The following BLZF1 variants were observed in gnomAD, a reference collection of about 807,000 sequenced individuals.
BLZF1 encodes golgin-45.
A neutral mutation model predicts 43.8 loss-of-function variants in BLZF1; 39 were observed. The ratio of observed to expected loss-of-function variants is 0.89; its 90% CI spans 0.69 to 1.16. The LOEUF (loss-of-function observed/expected upper bound fraction) is 1.16, where lower values mean the gene tolerates loss of function less well. Among genes scored for constraint, BLZF1 ranks in the 50% most tolerant of loss-of-function variants. The pLI is 0.00. For synonymous variants in BLZF1, 136 were observed against 159.4 expected, an observed-to-expected ratio of 0.85 and a Z score of 1.11; for missense variants, 449 against 469.8, an observed-to-expected ratio of 0.96 and a Z score of 0.41.
chr1:169,369,789 CAA>C (rs1654046273), intron 2 of BLZF1, among the ~76,000 whole-genome samples: 1 of 146,018 alleles, frequency 6.8e-6, no homozygotes, highest in Non-Finnish European at 1.5e-5. Flanking sequence ...AATGTTAATG[CAA>C]AGTTTTTAAC....
At chr1:169,369,372 C>T (rs1226756366) in intron 1 of BLZF1, 101 bp from the exon 2 acceptor site, 1 of 575,388 alleles carries the variant, frequency 1.7e-6, no homozygotes, top group Non-Finnish European at 3.0e-6. Context: ...TGCATGCGTA[C>T]TAAATACAGA....
At chr1:169,375,085 CAGA>C (rs1654255617) in intron 2 of BLZF1, among the ~76,000 whole-genome samples, 1 of 151,524 alleles carries the variant, frequency 6.6e-6, no homozygotes, top group Non-Finnish European at 1.5e-5. Flanking sequence ...AAAAATAACT[CAGA>C]AGTTAAGAAA....
chr1:169,370,623 C>G (rs1010332824), intron 2 of BLZF1, among the ~76,000 whole-genome samples: 3 of 152,216 alleles, frequency 2.0e-5, no homozygotes, highest in Non-Finnish European at 4.4e-5. Flanking sequence ...GGTCGGTAGG[C>G]AAATATGGCG....
Position 169,376,626 on chromosome 1 carries a change from G to A in BLZF1, c.115G>A (p.Val39Ile), listed in dbSNP as rs751479488. 3 of 1,613,084 alleles carry A rather than the reference G, an allele frequency of 1.9e-6. No homozygotes were observed. The highest frequency in any genetic ancestry group is 2.5e-6 in the Non-Finnish European group (3 of 1,179,520). ...PPKSVEVTSGVQSRKHHSLQS... is the reference protein window; with the variant it reads ...PPKSVEVTSGIQSRKHHSLQS... ...TAAATCTGTTGAAGTTACCTCCGGA[G>A]TCCAATCTAGAAAGCATCATAGTCT... Residue 39 changes from valine (V) to isoleucine (I), a missense_variant, in exon 3 of 7, where the codon GTC becomes ATC. Transcript: ENST00000367808.
At chr1:169,380,960 G>A (rs1181446708) in intron 5 of BLZF1, among the ~76,000 whole-genome samples, 1 of 152,004 alleles carries the variant, frequency 6.6e-6, no homozygotes, top group East Asian at 1.9e-4. Context: ...TCTTTTTGAA[G>A]ACTTCCTACA....
At chr1:169,388,838 T>G (rs577711270), downstream of BLZF1, among the ~76,000 whole-genome samples, 6 of 151,492 alleles carry the variant, frequency 4.0e-5, no homozygotes, top group South Asian at 1.3e-3. Context: ...TACAAAAAAT[T>G]GGCCTGGCGC....
In BLZF1 at chr1:169,395,240, A is replaced by G. The variant is rs773658760; in HGVS notation, c.*28-654A>G. 38 of 1,569,304 alleles carry G rather than the reference A, an allele frequency of 2.4e-5. No individual in the cohort carries two copies. In the South Asian group the frequency reaches 4.4e-4, roughly 18 times the overall value. ...ACAGGCATGATCAGATTTGGTGAGTATCAACCTGAATACACTCTTCATGCT... is the reference window on the plus strand; with the variant it reads ...ACAGGCATGATCAGATTTGGTGAGTGTCAACCTGAATACACTCTTCATGCT... On this transcript the variant is annotated intron_variant, in intron 7 of 7. Transcript: ENST00000329281.
At chr1:169,391,489 C>T (rs113309311), downstream of BLZF1, among the ~76,000 whole-genome samples, 1 of 152,292 alleles carries the variant, frequency 6.6e-6, no homozygotes, top group African/African-American at 2.4e-5. Context: ...CCAGACCAAA[C>T]TGAGGTTTGG....
chr1:169,394,365 C>T (rs894843507), intron 7 of BLZF1, among the ~76,000 whole-genome samples: 2 of 152,020 alleles, frequency 1.3e-5, no homozygotes, highest in African/African-American at 2.4e-5. Flanking sequence ...TACATATGTG[C>T]GTTAGTTACA....
At chr1:169,376,460 A>G (rs1654344598) in intron 2 of BLZF1, 80 bp from the exon 3 acceptor site, 1 of 1,194,366 alleles carries the variant, frequency 8.4e-7, no homozygotes, top group Admixed American at 3.1e-5. Context: ...GTAATTTTGA[A>G]TATAGGGTAT....
chr1:169,388,236 A>G lies in BLZF1; in HGVS notation c.*1054A>G, dbSNP rs1557851961. 6.6e-6 allele frequency: 1 copy of G among 151,994 alleles called. No homozygotes were observed. The highest frequency in any genetic ancestry group is 2.4e-5 in the African/African-American group (1 of 41,394). 9.4% of individuals were successfully genotyped at this position (151,994 alleles called of 1,614,324 possible). On this transcript the variant is annotated 3_prime_UTR_variant, in exon 7 of 7. Transcript: ENST00000367808. ...AATAATAATAATTTTAATGTCAATG[A>G]TTTTTTTTGTCTGACTCATCTGAGT...
chr1:169,385,681 A>ATT (rs1419644703), intron 6 of BLZF1, among the ~76,000 whole-genome samples: 1 of 152,234 alleles, frequency 6.6e-6, no homozygotes, highest in Admixed American at 6.5e-5. Context: ...TAAAAATAGA[A>ATT]GGATCTCAAA....
intron 4 of BLZF1, among the ~76,000 whole-genome samples, chr1:169,379,040 C>T (rs919093413): frequency 1.3e-5 from 2 of 151,924 alleles, no homozygotes; most frequent in Non-Finnish European, 2.9e-5. Context: ...GGGTTCTCAT[C>T]CAGGCCTCTC....
chr1:169,387,226 C>A lies in BLZF1; in HGVS notation c.*44C>A. The A allele has an allele frequency of 6.5e-7, 1 of 1,542,254 alleles. No individual in the cohort carries two copies. The highest frequency in any genetic ancestry group is 8.8e-7 in the Non-Finnish European group (1 of 1,137,184). ...CATGCTAAGGTACTTCCTTATTACC[C>A]AAGAGTCATTATTATTTGGGAGCTG... On this transcript the variant is annotated 3_prime_UTR_variant, in exon 7 of 7. Transcript: ENST00000367808.
intron 2 of BLZF1, 31 bp downstream of exon 2, chr1:169,369,581 A>C: frequency 1.3e-6 from 2 of 1,540,142 alleles, no homozygotes; most frequent in South Asian, 2.3e-5. Flanking sequence ...TGTTTTTAAA[A>C]CATGACATTT....
intron 3 of BLZF1, chr1:169,377,288 T>C (rs1316443329): frequency 2.3e-5 from 8 of 342,170 alleles, no homozygotes; most frequent in Admixed American, 4.7e-5. Flanking sequence ...TCAGGCATAG[T>C]AATTGACCAG....
intron 3 of BLZF1, 43 bp from the exon 4 acceptor site, chr1:169,378,287 G>A (rs376283918): frequency 2.3e-5 from 35 of 1,554,832 alleles, no homozygotes; most frequent in Non-Finnish European, 3.0e-5. Context: ...TAAAGTTAGT[G>A]ATATTACTTT....
intron 1 of BLZF1, 120 bp from the exon 2 acceptor site, chr1:169,369,348 TTTCTC>T (rs1206435608): frequency 2.0e-6 from 1 of 499,176 alleles, no homozygotes; most frequent in East Asian, 3.3e-5. Flanking sequence ...ATAAGGGACA[TTTCTC>T]TTTCTAAATG....
At chr1:169,395,401 TG>T (rs1400603833) in intron 7 of BLZF1, among the ~76,000 whole-genome samples, 1 of 152,242 alleles carries the variant, frequency 6.6e-6, no homozygotes, top group East Asian at 1.9e-4. Flanking sequence ...CCGTTAGATT[TG>T]GGGTCAAATG....
Sources: gnomAD v4.1 joint callset for allele counts (sites outside exome capture counted in the v4.1 genomes callset) on GRCh38, gnomAD v4.1.1 for gene constraint, MANE v1.5 for transcripts, NCBI Gene and HGNC (gene_info 2026-07-23, HGNC 2026-07-21) for gene names.